Variants in PLCG2 observed in about 807,000 individuals in gnomAD.
PLCG2 encodes the protein 1-phosphatidylinositol 4,5-bisphosphate phosphodiesterase gamma-2.
A neutral mutation model predicts 175.6 loss-of-function variants in PLCG2; 69 were observed. The ratio of observed to expected loss-of-function variants is 0.39; its 90% CI spans 0.32 to 0.48. PLCG2 has a LOEUF of 0.48. Ranked by LOEUF, PLCG2 falls within the 20% of genes least tolerant of loss-of-function variation. PLCG2 has a pLI of 0.91. For missense variants in PLCG2, 1,798 were observed against 1,650.9 expected (o/e 1.09, Z -1.54); for synonymous variants, 827 against 624.0 (o/e 1.33, Z -4.85).
intron 5 of PLCG2, among the ~76,000 whole-genome samples, chr16:81,866,057 G>T (rs868557423): frequency 1.8e-3 from 230 of 130,430 alleles, no homozygotes; most frequent in African/African-American, 6.8e-3. Flanking sequence ...GAGGACGCTG[G>T]CCTCTCCCTT....
At chr16:81,821,521 A>G (rs1360631652) in intron 2 of PLCG2, among the ~76,000 whole-genome samples, 2 of 152,142 alleles carry the variant, frequency 1.3e-5, no homozygotes, top group African/African-American at 2.4e-5. Flanking sequence ...TGCCTCTTCT[A>G]AGATGGGTGG....
intron 2 of PLCG2, among the ~76,000 whole-genome samples, chr16:81,809,811 T>C (rs1245957069): frequency 9.0e-6 from 1 of 110,850 alleles, no homozygotes; most frequent in Admixed American, 1.3e-4. Context: ...CTCAGCAGAG[T>C]CAGGATTTTT....
At position 81,908,571 on chromosome 16, in the gene PLCG2, T is replaced by A. The variant is rs1909479661; in HGVS notation, c.1713T>A (p.Asn571Lys). The change falls in exon 17 of 33, where the codon AAT becomes AAA. Residue 571 changes from asparagine (N) to lysine (K), a missense_variant. Coordinates refer to ENST00000564138, the MANE Select transcript of PLCG2 (RefSeq NM_002661.5). Reference protein sequence around the residue: ...FLVRESETFPNDYTLSFWRSG... With the variant: ...FLVRESETFPKDYTLSFWRSG... ...TTCGGGAGAGCGAGACCTTCCCCAATGACTACACCCTGTCCTTCTGGTAAT... is the reference window on the plus strand; with the variant it reads ...TTCGGGAGAGCGAGACCTTCCCCAAAGACTACACCCTGTCCTTCTGGTAAT... 3.1e-6 allele frequency: 5 copies of A among 1,611,326 alleles called. No homozygotes were observed. In the East Asian group the frequency reaches 1.1e-4, roughly 36 times the overall value.
chr16:81,920,080 A>G (rs1185567210), intron 20 of PLCG2, among the ~76,000 whole-genome samples: 1 of 152,188 alleles, frequency 6.6e-6, no homozygotes, highest in African/African-American at 2.4e-5. Flanking sequence ...GCCTGCCTGG[A>G]GGCACCAAGA....
intron 3 of PLCG2, among the ~76,000 whole-genome samples, chr16:81,855,303 G>A (rs1246463062): frequency 6.6e-6 from 1 of 151,926 alleles, no homozygotes; most frequent in African/African-American, 2.4e-5. Context: ...ATCTTCTGTT[G>A]CACACACACA....
At chr16:81,953,554 G>A (rs948949455) in intron 31 of PLCG2, among the ~76,000 whole-genome samples, 1 of 152,086 alleles carries the variant, frequency 6.6e-6, no homozygotes, top group Admixed American at 6.5e-5. Context: ...TTTGTCTCAG[G>A]CCAGGTAAAA....
At chr16:81,808,277 G>T (rs1904291102) in intron 2 of PLCG2, among the ~76,000 whole-genome samples, 1 of 152,116 alleles carries the variant, frequency 6.6e-6, no homozygotes, top group Non-Finnish European at 1.5e-5. Flanking sequence ...ATTTGCCAAG[G>T]CCTGTTGGCT....
At chr16:81,851,525 G>A (rs528513191) in intron 2 of PLCG2, among the ~76,000 whole-genome samples, 152 of 152,024 alleles carry the variant, frequency 1.0e-3, no homozygotes, top group African/African-American at 3.4e-3. Flanking sequence ...TGTTGTTGTT[G>A]TTGTTGAGGC....
At chr16:81,925,773 G>T (rs1910239734) in intron 22 of PLCG2, among the ~76,000 whole-genome samples, 1 of 152,132 alleles carries the variant, frequency 6.6e-6, no homozygotes, top group Admixed American at 6.5e-5. Flanking sequence ...CATAATCCCA[G>T]CTACTGGCGG....
intron 2 of PLCG2, among the ~76,000 whole-genome samples, chr16:81,835,722 T>C (rs1905478631): frequency 6.6e-6 from 1 of 152,224 alleles, no homozygotes; most frequent in Non-Finnish European, 1.5e-5. Flanking sequence ...AATGTACTTA[T>C]TCCCTTGCAG....
At chr16:81,866,349 C>T (rs1164086425) in intron 5 of PLCG2, among the ~76,000 whole-genome samples, 1 of 139,138 alleles carries the variant, frequency 7.2e-6, no homozygotes, top group South Asian at 2.4e-4. Context: ...CTGGCCTCTC[C>T]CTTGCTCCCA....
At chr16:81,856,296 A>C (rs1019181373) in intron 3 of PLCG2, among the ~76,000 whole-genome samples, 1 of 152,168 alleles carries the variant, frequency 6.6e-6, no homozygotes, top group Non-Finnish European at 1.5e-5. Flanking sequence ...AGGTGTTTGC[A>C]CTGTTAGCTT....
At chr16:81,884,642 C>T (rs1410123681) in intron 9 of PLCG2, among the ~76,000 whole-genome samples, 2 of 151,910 alleles carry the variant, frequency 1.3e-5, no homozygotes, top group East Asian at 1.9e-4. Context: ...TGTCTTTTCA[C>T]ATATAAATCT....
At chr16:81,939,773 T>G in intron 29 of PLCG2, 119 bp from the exon 30 acceptor site, 1 of 668,972 alleles carries the variant, frequency 1.5e-6, no homozygotes, top group South Asian at 1.9e-5. Context: ...GATCTTGGCA[T>G]AGATGCATAT....
At chr16:81,810,143 C>T (rs900277006) in intron 2 of PLCG2, among the ~76,000 whole-genome samples, 1 of 152,144 alleles carries the variant, frequency 6.6e-6, no homozygotes, top group Non-Finnish European at 1.5e-5. Context: ...AGGCACTCAC[C>T]ACCACGCCCA....
chr16:81,772,557 C>G (rs1054818313), intron 2 of PLCG2, among the ~76,000 whole-genome samples: 2 of 151,950 alleles, frequency 1.3e-5, no homozygotes, highest in African/African-American at 4.8e-5. Flanking sequence ...CGCCTATAAT[C>G]CCAGCACTTT....
At chr16:81,841,562 G>C (rs1196188680) in intron 2 of PLCG2, among the ~76,000 whole-genome samples, 1 of 151,932 alleles carries the variant, frequency 6.6e-6, no homozygotes, top group Non-Finnish European at 1.5e-5. Context: ...TTTTTGCAAA[G>C]TTTTTTTTCA....
intron 2 of PLCG2, among the ~76,000 whole-genome samples, chr16:81,766,285 T>A (rs1413732318): frequency 6.6e-6 from 1 of 152,186 alleles, no homozygotes; most frequent in Non-Finnish European, 1.5e-5. Context: ...CAGCCTCTCC[T>A]AGGGGAAGCC....
chr16:81,919,741 A>C (rs914189051), intron 20 of PLCG2, 77 bp downstream of exon 20: 2 of 1,251,568 alleles, frequency 1.6e-6, no homozygotes, highest in Non-Finnish European at 2.3e-6. Context: ...GAATTCAGCA[A>C]ACCTCTGAGT....
Sources: allele counts gnomAD v4.1 joint callset (sites outside exome capture counted in the v4.1 genomes callset), GRCh38; gene constraint gnomAD v4.1.1; transcripts MANE v1.5; gene names NCBI Gene and HGNC (gene_info 2026-07-23, HGNC 2026-07-21).